The following SYT12 variants were observed in gnomAD, a reference collection of about 807,000 sequenced individuals.
The protein encoded by SYT12 is synaptotagmin 12, also known as synaptotagmin-12.
In SYT12, 27 loss-of-function variants were observed where a neutral mutation model predicts 39.5. That is an observed-to-expected ratio of 0.68 (90% CI 0.50 to 0.94). The LOEUF is 0.94. Among genes scored for constraint, SYT12 ranks in the 40% least tolerant of loss-of-function variants. The pLI, the probability that SYT12 is intolerant of heterozygous loss-of-function variation, is 0.00. For synonymous variants in SYT12, 233 were observed against 239.7 expected (o/e 0.97, Z 0.26); for missense variants, 536 against 572.6 (o/e 0.94, Z 0.65).
At chr11:67,031,776 A>G (rs1275968111) in intron 2 of SYT12, 1 of 152,048 alleles carries the variant, frequency 6.6e-6, no homozygotes, top group African/African-American at 2.4e-5. Context: ...TCAGCTCCCA[A>G]AGAGCCTCAG....
chr11:67,009,820 G>A (rs559822148), intron 1 of SYT12: 1 of 153,858 alleles, frequency 6.5e-6, no homozygotes, highest in African/African-American at 2.4e-5. Flanking sequence ...AAGTCTTCAT[G>A]GGAGAGTTTT....
chr11:67,038,421 C>T (rs1950429230), intron 3 of SYT12, among the ~76,000 whole-genome samples: 1 of 151,880 alleles, frequency 6.6e-6, no homozygotes, highest in South Asian at 2.1e-4. Context: ...ACCTCAGCCT[C>T]CCAAAGTGCT....
chr11:67,035,813 C>T lies in SYT12; in HGVS notation c.228+975C>T, dbSNP rs1427810794. Among the ~76,000 whole-genome samples, 82 of 74,564 alleles carry T rather than the reference C, an allele frequency of 1.1e-3. 6 individuals are homozygous for T. Among genetic ancestry groups the T allele is most frequent in the African/African-American group, 5.1e-3 (78 of 15,198 alleles). The allele number at this position is 74,564 out of a possible 152,430, so 48.9% of individuals were successfully genotyped here. A position where few individuals can be genotyped will look rare whatever the true frequency, so the allele number is the denominator to read the frequency against. On this transcript the variant is annotated intron_variant, in intron 3 of 7. Transcript: ENST00000527043. ...TCTTTCCTTCCTTCCTTCCTTCCTT[C>T]CTTCCTTCCTTCCTTCCTTCCTTCC...
chr11:67,048,794 G>A lies in SYT12; in HGVS notation c.*37G>A, dbSNP rs748184106. 3 of 1,576,062 alleles carry A rather than the reference G, an allele frequency of 1.9e-6. No homozygotes were observed. Among genetic ancestry groups the A allele is most frequent in the Middle Eastern group, 2.2e-4 (1 of 4,486 alleles). On this transcript the variant is annotated 3_prime_UTR_variant, in exon 8 of 8. Coordinates refer to ENST00000527043, the MANE Select transcript of SYT12 (RefSeq NM_177963.4). ...GGCCAGTTGGGCAATGGAGCTGCTG[G>A]AGCCCGGTACCCACTCAGCTCTGTC...
chr11:67,042,299 G>A (rs760960540), intron 4 of SYT12, among the ~76,000 whole-genome samples: 7 of 152,184 alleles, frequency 4.6e-5, no homozygotes, highest in East Asian at 3.9e-4. Flanking sequence ...TCTCAGGACC[G>A]TGCAGAGCTC....
Position 67,045,835 on chromosome 11 carries a change from C to G in SYT12, c.1050C>G (p.Phe350Leu). ...AVKRDDPNPV[F>L]NEAMIFSVPA... ...AGAGGGATGACCCCAACCCGGTGTT[C>G]AACGAAGCCATGATCTTCTCGGTGC... Residue 350 changes from phenylalanine (F) to leucine (L), a missense_variant, in exon 7 of 8, where the codon TTC becomes TTG. Physicochemically the swap from Phe to Leu is conservative, Grantham distance 22. Coordinates refer to ENST00000527043, the MANE Select transcript of SYT12 (RefSeq NM_177963.4). The G allele has an allele frequency of 1.2e-6, 2 of 1,613,596 alleles. No homozygotes were observed. The highest frequency in any genetic ancestry group is 1.7e-6 in the Non-Finnish European group (2 of 1,179,842).
intron 3 of SYT12, among the ~76,000 whole-genome samples, chr11:67,039,233 G>A (rs1225998419): frequency 6.6e-6 from 1 of 152,052 alleles, no homozygotes; most frequent in South Asian, 2.1e-4. Context: ...AACCTGGGAG[G>A]GGGAGGTTGC....
intron 4 of SYT12, among the ~76,000 whole-genome samples, chr11:67,040,999 A>AAAAAT (rs1026375837): frequency 6.6e-6 from 1 of 152,022 alleles, no homozygotes; most frequent in Non-Finnish European, 1.5e-5. Flanking sequence ...CTCTACCAAA[A>AAAAAT]AAAATAAAAT....
rs200527049 is a variant in SYT12 at position 67,016,288 on chromosome 11, AAAAT to A, written c.-69+5310_-69+5313del. Among the ~76,000 whole-genome samples, 39 of 152,262 alleles carry A rather than the reference AAAAT, an allele frequency of 2.6e-4. No individual in the cohort carries two copies. The East Asian group carries it at 6.7e-3, about 26-fold the overall frequency. The stretch of plus-strand genomic sequence containing the variant: ...AGAGTGAGATTTCTGTCTCATTAAG[AAAAT>A]AAATAAATAAATAAAAGATGTTGCG... On this transcript the variant is annotated intron_variant, in intron 3 of 10. Transcript: ENST00000393946.
chr11:67,048,124 A>T (rs1328780464), intron 7 of SYT12, among the ~76,000 whole-genome samples: 1 of 150,828 alleles, frequency 6.6e-6, no homozygotes, highest in Non-Finnish European at 1.5e-5. Context: ...TACAAAAATT[A>T]GCCGGGCATG....
intron 2 of SYT12, among the ~76,000 whole-genome samples, chr11:67,033,069 C>T (rs954508457): frequency 6.6e-6 from 1 of 152,130 alleles, no homozygotes. Flanking sequence ...GGGGCTGCCC[C>T]ACTGTGTGAT....
intron 1 of SYT12, among the ~76,000 whole-genome samples, chr11:67,009,373 C>A (rs1213904280): frequency 6.6e-6 from 1 of 151,894 alleles, no homozygotes; most frequent in Non-Finnish European, 1.5e-5. Flanking sequence ...GGCTCTGCAA[C>A]CTGTACCTCC....
At chr11:67,011,661 A>G (rs1190954747) in intron 3 of SYT12, among the ~76,000 whole-genome samples, 3 of 152,150 alleles carry the variant, frequency 2.0e-5, no homozygotes, top group African/African-American at 7.2e-5. Context: ...GGCTCTTGGT[A>G]TCTGCCCAGT....
At chr11:67,041,507 A>C (rs1950511577) in intron 4 of SYT12, among the ~76,000 whole-genome samples, 1 of 152,306 alleles carries the variant, frequency 6.6e-6, no homozygotes, top group African/African-American at 2.4e-5. Flanking sequence ...TTAAAAATGA[A>C]AATAATAAGA....
At chr11:67,035,003 T>A (rs1196118742) in intron 3 of SYT12, among the ~76,000 whole-genome samples, 165 bp downstream of exon 3, 5 of 104,140 alleles carry the variant, frequency 4.8e-5, no homozygotes, top group African/African-American at 1.9e-4. Flanking sequence ...CATCTTCAAC[T>A]TTTTTTTTTT....
Position 67,034,734 on chromosome 11 carries a change from C to A in SYT12, c.124C>A (p.Leu42Ile). The A allele has an allele frequency of 6.2e-7, 1 of 1,603,512 alleles. No homozygotes were observed. The highest frequency in any genetic ancestry group is 1.3e-5 in the African/African-American group (1 of 74,332). The change falls in exon 3 of 8, where the codon CTC (leucine) becomes ATC (isoleucine). Residue 42 changes from leucine to isoleucine, a missense_variant. Transcript: ENST00000527043. The stretch of plus-strand genomic sequence containing the variant: ...AATCGCAGCTGTGAGCCTGTGGAAG[C>A]TCTGGACGTCGGGGAGCTTCCCCAG... ...LGIAAVSLWK[L>I]WTSGSFPSPS...
At chr11:67,013,612 A>G (rs1220137076) in intron 3 of SYT12, among the ~76,000 whole-genome samples, 2 of 152,078 alleles carry the variant, frequency 1.3e-5, no homozygotes, top group Non-Finnish European at 2.9e-5. Context: ...CCCACCAGCC[A>G]GTTACCTTGT....
intron 1 of SYT12, among the ~76,000 whole-genome samples, chr11:67,024,803 G>C (rs1425833883): frequency 6.6e-6 from 1 of 152,196 alleles, no homozygotes; most frequent in Non-Finnish European, 1.5e-5. Flanking sequence ...GTTGAAGGAT[G>C]AGGCTCTCCT....
chr11:67,015,419 A>G (rs1249490782), intron 3 of SYT12, among the ~76,000 whole-genome samples: 1 of 152,152 alleles, frequency 6.6e-6, no homozygotes, highest in African/African-American at 2.4e-5. Context: ...GATCTGTGCT[A>G]TGGACAGCTG....
Sources: allele counts gnomAD v4.1 joint callset (sites outside exome capture counted in the v4.1 genomes callset), GRCh38; gene constraint gnomAD v4.1.1; transcripts MANE v1.5; gene names NCBI Gene and HGNC (gene_info 2026-07-23, HGNC 2026-07-21).